NUCB2: variants seen among roughly 807,000 people sequenced by gnomAD.
NUCB2 encodes nucleobindin 2.
A neutral mutation model predicts 57.9 loss-of-function variants in NUCB2; 48 were observed. The observed-to-expected ratio is 0.83, with a 90% CI of 0.66 to 1.05. The LOEUF (loss-of-function observed/expected upper bound fraction) is 1.05. NUCB2 is among the 50% of genes least tolerant of loss of function. The pLI is 0.00. For synonymous variants in NUCB2, 139 were observed against 152.1 expected, an observed-to-expected ratio of 0.91 and a Z score of 0.64; for missense variants, 442 against 476.2, an observed-to-expected ratio of 0.93 and a Z score of 0.67.
chr11:17,331,460 C>A lies in NUCB2; in HGVS notation c.*41C>A. ...AGAACTTGGAAGAAAGCTGTTAACT[C>A]AACATCTATTTCATCTTTTTAGCTC... On this transcript the variant is annotated 3_prime_UTR_variant, in exon 14 of 14. Transcript: ENST00000529010. 7.4e-7 allele frequency: 1 copy of A among 1,346,562 alleles called. No homozygotes were observed. The highest frequency in any genetic ancestry group is 9.8e-7 in the Non-Finnish European group (1 of 1,015,418). 83.4% of individuals were successfully genotyped at this position (1,346,562 alleles called of 1,614,324 possible). A position where few individuals can be genotyped will look rare whatever the true frequency, so the allele number is the denominator to read the frequency against.
At chr11:17,328,539 T>G (rs561192454) in intron 11 of NUCB2, among the ~76,000 whole-genome samples, 1 of 152,254 alleles carries the variant, frequency 6.6e-6, no homozygotes, top group East Asian at 1.9e-4. Context: ...TGCTCTTCAC[T>G]CCTCTTTCCA....
At chr11:17,285,252 C>T (rs983916565) in intron 2 of NUCB2, among the ~76,000 whole-genome samples, 6 of 151,686 alleles carry the variant, frequency 4.0e-5, no homozygotes, top group Non-Finnish European at 4.4e-5. Context: ...ATGGTGAAAC[C>T]CCGTCTCTAC....
intron 11 of NUCB2, among the ~76,000 whole-genome samples, chr11:17,328,876 C>T (rs903617211): frequency 9.9e-5 from 15 of 152,144 alleles, no homozygotes; most frequent in African/African-American, 3.6e-4. Flanking sequence ...AGGGGTCTCT[C>T]GCCATAGCCA....
intron 4 of NUCB2, among the ~76,000 whole-genome samples, chr11:17,298,171 G>A (rs1029170447): frequency 6.6e-6 from 1 of 151,452 alleles, no homozygotes; most frequent in Non-Finnish European, 1.5e-5. Context: ...CTTCTAGCCA[G>A]TAGTTTGAGA....
In NUCB2 at chr11:17,312,066, T is replaced by C. The variant is rs199717724; in HGVS notation, c.858T>C (p.Asp286=). 74 of 1,591,258 alleles carry C rather than the reference T, an allele frequency of 4.7e-5. No individual in the cohort carries two copies. The highest frequency in any genetic ancestry group is 2.2e-5 in the East Asian group (1 of 44,610). ...ATGACCCTAAAAATGAAGAGGATGA[T>C]ATGGTAGAAATGGAAGAAGAAAGGC... The part of the protein sequence containing the change: ...KVYDPKNEED[D]MVEMEEERLR... The change falls in exon 10 of 14, where the codon GAT becomes GAC. Residue 286 remains aspartate, a synonymous_variant. Transcript: ENST00000529010.
At chr11:17,279,048 C>G (rs1338802922) in intron 1 of NUCB2, among the ~76,000 whole-genome samples, 2 of 152,122 alleles carry the variant, frequency 1.3e-5, no homozygotes, top group Non-Finnish European at 1.5e-5. Flanking sequence ...CAAAAATTAG[C>G]CAGACGTAGT....
intron 11 of NUCB2, chr11:17,317,622 A>T (rs940731922): frequency 1.2e-5 from 5 of 402,962 alleles, no homozygotes; most frequent in African/African-American, 8.2e-5. Context: ...ACAGACTATT[A>T]TGTTGTACAA....
rs575991595 is a variant in NUCB2, at chr11:17,345,536, A to G, written n.2627-3809A>G. 5.0e-4 allele frequency among the ~76,000 whole-genome samples: 76 copies of G among 152,164 alleles called. No individual in the cohort carries two copies. In the South Asian group the frequency reaches 0.012, roughly 24 times the overall value. ...AGCCTGGCCAAGATGGTGAAACCCCATCTCTACTAAAAATACAAAAATTAG... is the reference window on the plus strand; with the variant it reads ...AGCCTGGCCAAGATGGTGAAACCCCGTCTCTACTAAAAATACAAAAATTAG... On this transcript the variant is annotated intron_variant and non_coding_transcript_variant, in intron 2 of 2. Coordinates refer to the NUCB2 transcript ENST00000532240.
intron 1 of NUCB2, among the ~76,000 whole-genome samples, chr11:17,280,324 T>C (rs557319915): frequency 6.6e-6 from 1 of 152,174 alleles, no homozygotes; most frequent in African/African-American, 2.4e-5. Flanking sequence ...GGCTCTAAGA[T>C]CTATACTAAT....
At chr11:17,302,877 T>G (rs1243682260) in intron 5 of NUCB2, among the ~76,000 whole-genome samples, 1 of 152,136 alleles carries the variant, frequency 6.6e-6, no homozygotes, top group East Asian at 1.9e-4. Flanking sequence ...TAGCTGGGAC[T>G]ACAGGCGCCC....
intron 11 of NUCB2, among the ~76,000 whole-genome samples, chr11:17,321,832 T>G (rs1338545190): frequency 1.3e-5 from 2 of 152,186 alleles, no homozygotes; most frequent in Non-Finnish European, 2.9e-5. Flanking sequence ...AGTTTTGTGT[T>G]TCTCTGATGA....
chr11:17,296,042 C>T, intron 3 of NUCB2, 62 bp from the exon 4 acceptor site: 1 of 905,072 alleles, frequency 1.1e-6, no homozygotes, highest in Non-Finnish European at 1.7e-6. Context: ...CAGGATTGAC[C>T]TCTTTAGATT....
rs11827162 is a variant in NUCB2 at position 17,288,555 on chromosome 11, T to C, written c.-1+5612T>C. 8.8e-5 allele frequency among the ~76,000 whole-genome samples: 11 copies of C among 125,102 alleles called. No individual in the cohort carries two copies. The South Asian group carries it at 1.2e-3, about 14-fold the overall frequency. 82.1% of individuals were successfully genotyped at this position (125,102 alleles called of 152,430 possible). ...TTTTCTTCTTCTTCTTCTTCTTCTT[T>C]TTTTTTTTTTTTTGAGACAGTCTCA... On this transcript the variant is annotated intron_variant, in intron 2 of 13. Coordinates refer to ENST00000529010, the MANE Select transcript of NUCB2 (RefSeq NM_005013.4).
chr11:17,320,562 C>G (rs1949892540), intron 11 of NUCB2, among the ~76,000 whole-genome samples: 1 of 152,084 alleles, frequency 6.6e-6, no homozygotes, highest in Non-Finnish European at 1.5e-5. Context: ...GAGGCTGAGG[C>G]AGGAGAATCA....
chr11:17,328,078 A>G (rs1044443336), intron 11 of NUCB2, among the ~76,000 whole-genome samples: 1 of 152,192 alleles, frequency 6.6e-6, no homozygotes, highest in Admixed American at 6.5e-5. Context: ...TTCTTTGGAA[A>G]GCTTTCCAGG....
At chr11:17,318,084 GCC>G (rs1213384292) in intron 11 of NUCB2, among the ~76,000 whole-genome samples, 1 of 147,092 alleles carries the variant, frequency 6.8e-6, no homozygotes, top group African/African-American at 2.5e-5. Flanking sequence ...TGCAACCTCT[GCC>G]CCCATCCCCC....
intron 10 of NUCB2, among the ~76,000 whole-genome samples, chr11:17,313,822 A>T (rs955459586): frequency 6.6e-6 from 1 of 151,668 alleles, no homozygotes; most frequent in Non-Finnish European, 1.5e-5. Flanking sequence ...TACATGTTGC[A>T]TTGCCCTGGG....
At chr11:17,325,389 A>G (rs1950545910) in intron 11 of NUCB2, among the ~76,000 whole-genome samples, 1 of 152,180 alleles carries the variant, frequency 6.6e-6, no homozygotes, top group Non-Finnish European at 1.5e-5. Flanking sequence ...ATATCTGTTT[A>G]CAGTCATTCT....
At chr11:17,325,029 C>A (rs772463848) in intron 11 of NUCB2, among the ~76,000 whole-genome samples, 54 of 152,112 alleles carry the variant, frequency 3.6e-4, no homozygotes, top group Non-Finnish European at 7.1e-4. Flanking sequence ...TCTTGAACTC[C>A]TGACTTCAAG....
Sources: allele counts gnomAD v4.1 joint callset (sites outside exome capture counted in the v4.1 genomes callset), GRCh38; gene constraint gnomAD v4.1.1; transcripts MANE v1.5; gene names NCBI Gene and HGNC (gene_info 2026-07-23, HGNC 2026-07-21).